ANO2: variants seen among roughly 807,000 people sequenced by gnomAD.
ANO2 encodes the protein anoctamin 2.
A neutral mutation model predicts 124.2 loss-of-function variants in ANO2; 101 were observed. That is an observed-to-expected ratio of 0.81 (90% CI 0.69 to 0.96). ANO2 has a LOEUF of 0.96. ANO2 is among the 40% of genes least tolerant of loss of function. ANO2 has a pLI of 0.00. For synonymous variants in ANO2, 486 were observed against 482.5 expected, an observed-to-expected ratio of 1.01 and a Z score of -0.09; for missense variants, 1,293 against 1,274.5, an observed-to-expected ratio of 1.01 and a Z score of -0.22.
intron 17 of ANO2, among the ~76,000 whole-genome samples, chr12:5,614,543 TC>T (rs1263536188): frequency 1.3e-5 from 2 of 152,200 alleles, no homozygotes; most frequent in African/African-American, 4.8e-5. Context: ...CATGGAAGCT[TC>T]ATGATTAAGA....
In ANO2 at chr12:5,830,440, G is replaced by A. The variant is rs776711703; in HGVS notation, c.835C>T (p.Arg279Cys). The A allele has an allele frequency of 2.9e-5, 46 of 1,612,494 alleles. No individual in the cohort carries two copies. Among genetic ancestry groups the A allele is most frequent in the Non-Finnish European group, 3.6e-5 (42 of 1,179,418 alleles). The change falls in exon 6 of 25, where the codon CGC becomes TGC. Residue 279 changes from arginine to cysteine, a missense_variant. Physicochemically the swap from Arg to Cys is radical, Grantham distance 180. Transcript: ENST00000682330. The stretch of plus-strand genomic sequence containing the variant: ...CAGTACATCCATTTACTTACAATGC[G>A]GCTGCGGGTGGCATTATCAAAGAAG... Reference protein sequence around the residue: ...DTFFDNATRSRIVHEILKRTA... With the variant: ...DTFFDNATRSCIVHEILKRTA...
rs868476685 is a variant in ANO2 at position 5,876,461 on chromosome 12, G to A, written c.535-22320C>T. 5.3e-5 allele frequency among the ~76,000 whole-genome samples: 8 copies of A among 152,226 alleles called. No individual in the cohort carries two copies. In the South Asian group the frequency reaches 6.2e-4, roughly 12 times the overall value. ...TCTAGAACCAGAAACATCATTTGAC[G>A]CAGCAATCCTATTACTGGGTATAAA... On this transcript the variant is annotated intron_variant, in intron 3 of 24. Coordinates refer to ENST00000682330, the MANE Select transcript of ANO2 (RefSeq NM_001364791.2).
intron 11 of ANO2, among the ~76,000 whole-genome samples, chr12:5,749,316 A>G (rs1422785889): frequency 6.6e-6 from 1 of 152,224 alleles, no homozygotes; most frequent in Non-Finnish European, 1.5e-5. Context: ...GTACAAAGCT[A>G]TCCTGCCCCC....
At chr12:5,822,926 G>A (rs1391882353) in intron 7 of ANO2, among the ~76,000 whole-genome samples, 1 of 152,154 alleles carries the variant, frequency 6.6e-6, no homozygotes, top group Non-Finnish European at 1.5e-5. Context: ...GAGAGAAAGA[G>A]GAAGAAGCAA....
chr12:5,771,595 C>T (rs1952083831), intron 10 of ANO2, among the ~76,000 whole-genome samples: 1 of 151,914 alleles, frequency 6.6e-6, no homozygotes, highest in Non-Finnish European at 1.5e-5. Flanking sequence ...GCCTGGCCAT[C>T]AAGATGAAAC....
chr12:5,886,223 G>GAAGC (rs1168554672), intron 3 of ANO2, among the ~76,000 whole-genome samples: 3 of 151,052 alleles, frequency 2.0e-5, no homozygotes, highest in African/African-American at 7.4e-5. Flanking sequence ...AAGGCAAATG[G>GAAGC]AAGCAAGCGT....
At chr12:5,675,759 T>C (rs965400977) in intron 14 of ANO2, among the ~76,000 whole-genome samples, 1 of 152,216 alleles carries the variant, frequency 6.6e-6, no homozygotes, top group African/African-American at 2.4e-5. Flanking sequence ...CTTCTGGGAT[T>C]CAGTTTTTTC....
intron 14 of ANO2, among the ~76,000 whole-genome samples, chr12:5,684,797 A>G (rs7963523): frequency 0.018 from 2,807 of 152,152 alleles, 79 homozygotes; most frequent in African/African-American, 0.061. Flanking sequence ...ACTTGTTTTC[A>G]TCTTCCCTAT....
rs549712570 is a variant in ANO2 at position 5,686,097 on chromosome 12, G to A, written c.1546-38296C>T. 7.2e-4 allele frequency among the ~76,000 whole-genome samples: 110 copies of A among 152,296 alleles called. 1 individual carries two copies. The South Asian group carries it at 0.021, about 30-fold the overall frequency. Reference sequence around the variant, plus strand: ...GGGGATAACCTCCACCTAGCAAGCAGGTGGGAAACTCCCCCAGGGGCAAGT... The same window carrying A: ...GGGGATAACCTCCACCTAGCAAGCAAGTGGGAAACTCCCCCAGGGGCAAGT... On this transcript the variant is annotated intron_variant, in intron 14 of 24. Coordinates refer to ENST00000682330, the MANE Select transcript of ANO2 (RefSeq NM_001364791.2).
chr12:5,770,647 C>T (rs1019120857), intron 10 of ANO2, among the ~76,000 whole-genome samples: 2 of 152,188 alleles, frequency 1.3e-5, no homozygotes, highest in Non-Finnish European at 2.9e-5. Context: ...CCTGCAAAGA[C>T]CTCCCTGCTT....
intron 7 of ANO2, among the ~76,000 whole-genome samples, chr12:5,818,550 A>G (rs1410993116): frequency 6.8e-6 from 1 of 146,530 alleles, no homozygotes; most frequent in Non-Finnish European, 1.5e-5. Context: ...TCTAGAGAAC[A>G]CTAATACAGA....
intron 1 of ANO2, among the ~76,000 whole-genome samples, chr12:5,940,315 TTAGA>T (rs1239299947): frequency 6.6e-6 from 1 of 152,198 alleles, no homozygotes; most frequent in Non-Finnish European, 1.5e-5. Context: ...GCATTTGAAT[TTAGA>T]TAGATTGTAT....
chr12:5,675,120 A>G (rs1490082518), intron 14 of ANO2, among the ~76,000 whole-genome samples: 1 of 152,192 alleles, frequency 6.6e-6, no homozygotes, highest in Non-Finnish European at 1.5e-5. Context: ...TGGATGGATG[A>G]ATGAATGTAA....
intron 3 of ANO2, among the ~76,000 whole-genome samples, chr12:5,911,596 T>C (rs1565772164): frequency 6.6e-6 from 1 of 152,120 alleles, no homozygotes; most frequent in Non-Finnish European, 1.5e-5. Context: ...ACATTGCGAA[T>C]CAGGGCAGGC....
At chr12:5,733,869 T>C (rs1043749602) in intron 13 of ANO2, among the ~76,000 whole-genome samples, 2 of 152,218 alleles carry the variant, frequency 1.3e-5, no homozygotes, top group African/African-American at 4.8e-5. Flanking sequence ...ACACTGTAGA[T>C]CTTCATTACA....
intron 3 of ANO2, among the ~76,000 whole-genome samples, chr12:5,884,351 G>A (rs1938733035): frequency 6.6e-6 from 1 of 152,206 alleles, no homozygotes; most frequent in Non-Finnish European, 1.5e-5. Flanking sequence ...TCAGATGTGG[G>A]CTGATATGAA....
chr12:5,620,843 G>A (rs1292254712), intron 16 of ANO2, among the ~76,000 whole-genome samples: 4 of 151,852 alleles, frequency 2.6e-5, no homozygotes, highest in Admixed American at 6.6e-5. Context: ...TACAGCTAGC[G>A]CTGCCGCTTC....
chr12:5,754,924 C>G (rs1951533446), intron 10 of ANO2, among the ~76,000 whole-genome samples: 1 of 151,704 alleles, frequency 6.6e-6, no homozygotes, highest in East Asian at 1.9e-4. Context: ...ATCCCCTAAT[C>G]TATATTATTT....
intron 14 of ANO2, among the ~76,000 whole-genome samples, chr12:5,674,854 A>G (rs890935030): frequency 6.6e-6 from 1 of 152,176 alleles, no homozygotes; most frequent in African/African-American, 2.4e-5. Flanking sequence ...TTAGCAGAGT[A>G]TTGGTAGGTT....
Sources: allele counts gnomAD v4.1 joint callset (sites outside exome capture counted in the v4.1 genomes callset), GRCh38; gene constraint gnomAD v4.1.1; transcripts MANE v1.5; gene names NCBI Gene and HGNC (gene_info 2026-07-23, HGNC 2026-07-21).